The following CDH13 variants were observed in gnomAD, a reference collection of about 807,000 sequenced individuals.
The protein encoded by CDH13 is cadherin-13.
In CDH13, 24 loss-of-function variants were observed where a neutral mutation model predicts 63.8. That is an observed-to-expected ratio of 0.38 (90% CI 0.27 to 0.53). The LOEUF (loss-of-function observed/expected upper bound fraction) is 0.53, where lower values mean the gene tolerates loss of function less well. Among genes scored for constraint, CDH13 ranks in the 20% least tolerant of loss-of-function variants. The probability of loss-of-function intolerance (pLI) is 0.85; values close to 1 mark genes in which losing one functional copy is unlikely to be tolerated. For synonymous variants in CDH13, 503 were observed against 355.3 expected, an observed-to-expected ratio of 1.42 and a Z score of -4.67; for missense variants, 1,049 against 903.1, an observed-to-expected ratio of 1.16 and a Z score of -2.07.
intron 5 of CDH13, among the ~76,000 whole-genome samples, chr16:83,294,710 C>A (rs1056573904): frequency 4.6e-5 from 7 of 151,770 alleles, no homozygotes; most frequent in African/African-American, 1.7e-4. Context: ...AACTATAAAA[C>A]ACTGATAAAA....
chr16:83,212,951 C>T (rs1259979483), intron 4 of CDH13, among the ~76,000 whole-genome samples: 1 of 152,208 alleles, frequency 6.6e-6, no homozygotes, highest in African/African-American at 2.4e-5. Flanking sequence ...CACCATTTCC[C>T]TGTGCTGGTG....
intron 3 of CDH13, among the ~76,000 whole-genome samples, chr16:83,124,277 C>G (rs908956406): frequency 2.0e-5 from 3 of 152,176 alleles, no homozygotes; most frequent in Admixed American, 1.3e-4. Context: ...AACTCCTGAC[C>G]TCAGGAGATC....
In CDH13 at chr16:82,917,493, C is replaced by A. The variant is rs202220847; in HGVS notation, c.157+59020C>A. Among the ~76,000 whole-genome samples, 34 of 151,976 alleles carry A rather than the reference C, an allele frequency of 2.2e-4. No homozygotes were observed. The East Asian group carries it at 6.0e-3, about 27-fold the overall frequency. On this transcript the variant is annotated intron_variant, in intron 2 of 13. Coordinates refer to ENST00000567109, the MANE Select transcript of CDH13 (RefSeq NM_001257.5). ...AGATAGTTGAGAAAGGCAAGAGAGG[C>A]AAGAAGGAGTGGAAATGAGGGGGAT...
intron 3 of CDH13, among the ~76,000 whole-genome samples, chr16:83,085,061 C>T (rs1489284940): frequency 6.6e-6 from 1 of 152,102 alleles, no homozygotes; most frequent in Admixed American, 6.6e-5. Context: ...TCATAGTTTT[C>T]CCCTTATATT....
intron 2 of CDH13, chr16:83,023,030 C>T (rs1189343773): frequency 6.6e-6 from 1 of 152,140 alleles, no homozygotes; most frequent in African/African-American, 2.4e-5. Context: ...GAAATCTATG[C>T]CTTTTGGATT....
Position 82,657,832 on chromosome 16 carries a change from G to T in CDH13, c.45+30695G>T, listed in dbSNP as rs117564189. Among the ~76,000 whole-genome samples the T allele has an allele frequency of 4.7e-3, 715 of 152,118 alleles. 4 individuals are homozygous for T. Among genetic ancestry groups the T allele is most frequent in the South Asian group, 0.015 (74 of 4,814 alleles). ...TTCTTGGAGTTTGTCAATTTTTTTGGATTTCTTACATAGATAATCATTTTA... is the reference window on the plus strand; with the variant it reads ...TTCTTGGAGTTTGTCAATTTTTTTGTATTTCTTACATAGATAATCATTTTA... On this transcript the variant is annotated intron_variant, in intron 1 of 13. Coordinates refer to ENST00000567109, the MANE Select transcript of CDH13 (RefSeq NM_001257.5).
chr16:83,252,692 C>G (rs1210607752), intron 5 of CDH13, among the ~76,000 whole-genome samples: 1 of 152,106 alleles, frequency 6.6e-6, no homozygotes, highest in Admixed American at 6.5e-5. Flanking sequence ...TTAGAAGACA[C>G]TTGGTGGAGA....
intron 1 of CDH13, among the ~76,000 whole-genome samples, chr16:82,735,145 G>A (rs1337052964): frequency 6.6e-6 from 1 of 152,168 alleles, no homozygotes; most frequent in Non-Finnish European, 1.5e-5. Context: ...AAGGAAACAA[G>A]CCAAGGGGAA....
At chr16:83,012,721 C>T (rs765640467) in intron 2 of CDH13, among the ~76,000 whole-genome samples, 1 of 151,968 alleles carries the variant, frequency 6.6e-6, no homozygotes, top group Non-Finnish European at 1.5e-5. Context: ...CTTTTGATAC[C>T]GAAATTATAG....
chr16:82,979,454 G>A (rs1218974338), intron 2 of CDH13, among the ~76,000 whole-genome samples: 1 of 152,084 alleles, frequency 6.6e-6, no homozygotes, highest in Non-Finnish European at 1.5e-5. Flanking sequence ...GGGACGTGGG[G>A]GGAGACGACT....
At chr16:83,491,122 G>T (rs1321820220) in intron 7 of CDH13, among the ~76,000 whole-genome samples, 1 of 152,190 alleles carries the variant, frequency 6.6e-6, no homozygotes, top group Non-Finnish European at 1.5e-5. Flanking sequence ...TGAAAGCTTA[G>T]TCTTACCCTT....
chr16:83,636,415 T>C (rs1219794406), intron 8 of CDH13, among the ~76,000 whole-genome samples: 1 of 152,166 alleles, frequency 6.6e-6, no homozygotes, highest in Non-Finnish European at 1.5e-5. Context: ...CCCAAATTGG[T>C]AGTTTTTCAA....
At chr16:82,995,858 T>C (rs1251798744) in intron 2 of CDH13, among the ~76,000 whole-genome samples, 1 of 151,832 alleles carries the variant, frequency 6.6e-6, no homozygotes, top group Non-Finnish European at 1.5e-5. Context: ...CGCGGGCTGC[T>C]GGGGAATCGA....
chr16:83,193,855 A>C (rs954492928), intron 4 of CDH13, among the ~76,000 whole-genome samples: 1 of 152,212 alleles, frequency 6.6e-6, no homozygotes, highest in Non-Finnish European at 1.5e-5. Context: ...AGGGCTAACG[A>C]TGCCTATTTA....
intron 11 of CDH13, among the ~76,000 whole-genome samples, chr16:83,767,643 TACA>T (rs1229154428): frequency 6.6e-6 from 1 of 152,210 alleles, no homozygotes; most frequent in African/African-American, 2.4e-5. Flanking sequence ...GGTCTATCCA[TACA>T]ATGGATTATT....
At chr16:83,504,710 G>A (rs921957365) in intron 7 of CDH13, among the ~76,000 whole-genome samples, 2 of 152,200 alleles carry the variant, frequency 1.3e-5, no homozygotes, top group African/African-American at 4.8e-5. Context: ...GAGTGGCTCA[G>A]GCCCTGTAAG....
At chr16:82,631,858 C>T (rs1468585970) in intron 1 of CDH13, among the ~76,000 whole-genome samples, 2 of 152,134 alleles carry the variant, frequency 1.3e-5, no homozygotes, top group Non-Finnish European at 2.9e-5. Context: ...ATGTGTCACC[C>T]TCTGGCTTAG....
intron 3 of CDH13, among the ~76,000 whole-genome samples, chr16:83,121,115 T>C (rs997529211): frequency 1.3e-5 from 2 of 152,148 alleles, no homozygotes; most frequent in African/African-American, 4.8e-5. Flanking sequence ...GGCTTTTTTG[T>C]TCGTTTTGTT....
At chr16:82,905,471 G>C (rs1318995172) in intron 2 of CDH13, among the ~76,000 whole-genome samples, 1 of 150,004 alleles carries the variant, frequency 6.7e-6, no homozygotes, top group Non-Finnish European at 1.5e-5. Flanking sequence ...GTGTGTGTAA[G>C]ATAATTTTTT....
Sources: allele counts gnomAD v4.1 joint callset (sites outside exome capture counted in the v4.1 genomes callset), GRCh38; gene constraint gnomAD v4.1.1; transcripts MANE v1.5; gene names NCBI Gene and HGNC (gene_info 2026-07-23, HGNC 2026-07-21).